COPG2: variants seen among roughly 807,000 people sequenced by gnomAD.
COPG2 encodes the protein coat protein complex I subunit gamma 2.
A neutral mutation model predicts 46.3 loss-of-function variants in COPG2; 37 were observed. The ratio of observed to expected loss-of-function variants is 0.80; its 90% CI spans 0.61 to 1.05. The LOEUF (loss-of-function observed/expected upper bound fraction) is 1.05. COPG2 is among the 50% of genes least tolerant of loss of function. The pLI, the probability that COPG2 is intolerant of heterozygous loss-of-function variation, is 0.00. For missense variants in COPG2, 427 were observed against 387.8 expected, an observed-to-expected ratio of 1.10 and a Z score of -0.85; for synonymous variants, 159 against 129.7, an observed-to-expected ratio of 1.23 and a Z score of -1.53.
intron 20 of COPG2, among the ~76,000 whole-genome samples, chr7:130,522,088 G>C (rs1324482146): frequency 1.3e-5 from 2 of 152,084 alleles, no homozygotes; most frequent in Non-Finnish European, 2.9e-5. Flanking sequence ...ATCTAGAAAG[G>C]GCTGCTCACT....
At chr7:130,664,972 G>C (rs558113211) in intron 3 of COPG2, among the ~76,000 whole-genome samples, 13 of 152,288 alleles carry the variant, frequency 8.5e-5, no homozygotes, top group Non-Finnish European at 1.5e-5. Context: ...CCTAAGGTCA[G>C]GAGTTTGAGA....
intron 20 of COPG2, among the ~76,000 whole-genome samples, chr7:130,544,165 G>A (rs1435709407): frequency 3.3e-5 from 5 of 152,184 alleles, no homozygotes; most frequent in Non-Finnish European, 7.3e-5. Flanking sequence ...GCTTCACTGA[G>A]CCTAATAATA....
At position 130,617,016 on chromosome 7, in the gene COPG2, T is replaced by G. The variant is rs377590347; in HGVS notation, c.373A>C (p.Ile125Leu). 6.2e-6 allele frequency: 10 copies of G among 1,612,052 alleles called. No homozygotes were observed. The African/African-American group carries it at 1.2e-4, about 19-fold the overall frequency. ...TCGGTGATCCTGCAGAGAGCTCTGATGGCCGGGCCTCGGTATACATCTTCT... is the reference window on the plus strand; with the variant it reads ...TCGGTGATCCTGCAGAGAGCTCTGAGGGCCGGGCCTCGGTATACATCTTCT... ...GKEDVYRGPAIRALCRITDGT... is the reference protein window; with the variant it reads ...GKEDVYRGPALRALCRITDGT... Residue 125 changes from isoleucine (I) to leucine (L), a missense_variant, in exon 6 of 24, where the codon ATC becomes CTC. Physicochemically the swap from Ile to Leu is conservative, Grantham distance 5 (BLOSUM62 2). Coordinates refer to ENST00000425248, the MANE Select transcript of COPG2 (RefSeq NM_012133.6).
rs532507361 is a variant in COPG2, at chr7:130,663,331, T to C, written c.172-293A>G. Among the ~76,000 whole-genome samples the C allele has an allele frequency of 8.9e-4, 135 of 152,318 alleles. No homozygotes were observed. The highest frequency in any genetic ancestry group is 1.1e-3 in the Non-Finnish European group (72 of 68,032). On this transcript the variant is annotated intron_variant, in intron 3 of 23. Transcript: ENST00000425248. ...AAGTATCTGAAATTTTCCTGAAGTA[T>C]TGTAGTTTACAAGGAGGGAGAAAAT...
At chr7:130,584,256 A>G (rs1054386599) in intron 9 of COPG2, among the ~76,000 whole-genome samples, 2 of 152,080 alleles carry the variant, frequency 1.3e-5, no homozygotes, top group Non-Finnish European at 2.9e-5. Flanking sequence ...GACAAAATCC[A>G]GCATCCCTTT....
intron 20 of COPG2, chr7:130,510,249 A>C: frequency 1.9e-6 from 1 of 519,724 alleles, no homozygotes; most frequent in Non-Finnish European, 3.9e-6. Context: ...GGGTTTTCCC[A>C]TATAGGAAAG....
At chr7:130,524,204 G>A (rs1799753133) in intron 20 of COPG2, among the ~76,000 whole-genome samples, 1 of 152,134 alleles carries the variant, frequency 6.6e-6, no homozygotes, top group African/African-American at 2.4e-5. Flanking sequence ...GCTGGGCAGA[G>A]CAGGTGGATT....
chr7:130,592,194 T>C (rs1309523362), intron 9 of COPG2, among the ~76,000 whole-genome samples: 1 of 152,154 alleles, frequency 6.6e-6, no homozygotes, highest in Non-Finnish European at 1.5e-5. Context: ...AAACAGATGC[T>C]TGAAGGCAGC....
intron 5 of COPG2, among the ~76,000 whole-genome samples, chr7:130,618,111 A>AAAAAAAG (rs1794980645): frequency 7.0e-6 from 1 of 142,440 alleles, no homozygotes; most frequent in Admixed American, 7.4e-5. Flanking sequence ...AAAAAAAAAA[A>AAAAAAAG]AAAAAAAAGA....
intron 12 of COPG2, 68 bp from the exon 13 acceptor site, chr7:130,555,200 A>T (rs1010801814): frequency 5.1e-6 from 2 of 395,360 alleles, no homozygotes; most frequent in Non-Finnish European, 8.9e-6. Flanking sequence ...AAGCAAACAG[A>T]GAAAAGACAT....
At chr7:130,605,942 A>G (rs963785243) in intron 9 of COPG2, among the ~76,000 whole-genome samples, 32 of 152,238 alleles carry the variant, frequency 2.1e-4, no homozygotes, top group Non-Finnish European at 2.9e-5. Context: ...TTACTGCGAC[A>G]AATACCTCAA....
intron 4 of COPG2, among the ~76,000 whole-genome samples, chr7:130,655,347 T>A (rs1373074242): frequency 6.6e-6 from 1 of 152,214 alleles, no homozygotes; most frequent in Non-Finnish European, 1.5e-5. Context: ...TAATTACTTA[T>A]GAATGGTTTC....
At chr7:130,568,874 A>C (rs1452166265) in intron 9 of COPG2, among the ~76,000 whole-genome samples, 1 of 152,234 alleles carries the variant, frequency 6.6e-6, no homozygotes, top group African/African-American at 2.4e-5. Flanking sequence ...CTCAGACCAC[A>C]GTAGAATAAA....
chr7:130,646,909 G>T (rs1795604882), intron 5 of COPG2, among the ~76,000 whole-genome samples: 1 of 128,092 alleles, frequency 7.8e-6, no homozygotes, highest in Admixed American at 8.6e-5. Flanking sequence ...CCCAGTCTCG[G>T]ATAGTGTGTG....
chr7:130,605,719 A>T (rs1554451125), intron 9 of COPG2: 2 of 519,678 alleles, frequency 3.8e-6, no homozygotes, highest in Non-Finnish European at 7.7e-6. Flanking sequence ...AACGACTTAA[A>T]TGAGATTGGA....
chr7:130,630,852 GGCA>G (rs1795215316), intron 5 of COPG2, among the ~76,000 whole-genome samples: 2 of 151,986 alleles, frequency 1.3e-5, no homozygotes, highest in Admixed American at 1.3e-4. Context: ...TGTTTTTATA[GGCA>G]GCATAAAGTT....
chr7:130,565,950 T>C (rs1454592233), intron 9 of COPG2, among the ~76,000 whole-genome samples: 2 of 151,984 alleles, frequency 1.3e-5, no homozygotes, highest in Non-Finnish European at 2.9e-5. Context: ...CTGTGTAACA[T>C]GACCAAGGGT....
intron 9 of COPG2, among the ~76,000 whole-genome samples, chr7:130,609,481 A>G (rs1226873309): frequency 6.6e-6 from 1 of 152,160 alleles, no homozygotes; most frequent in Admixed American, 6.5e-5. Context: ...GCCACGTGGA[A>G]TTGTAAGTCC....
chr7:130,639,972 C>A (rs782385715), intron 5 of COPG2, among the ~76,000 whole-genome samples: 20 of 152,104 alleles, frequency 1.3e-4, no homozygotes, highest in Non-Finnish European at 2.1e-4. Flanking sequence ...ACCCAACAGC[C>A]GTCCCTTTTC....
Sources: gnomAD v4.1 joint callset for allele counts (sites outside exome capture counted in the v4.1 genomes callset) on GRCh38, gnomAD v4.1.1 for gene constraint, MANE v1.5 for transcripts, NCBI Gene and HGNC (gene_info 2026-07-23, HGNC 2026-07-21) for gene names.